The following CCDC83 variants were observed in gnomAD, a reference collection of about 807,000 sequenced individuals.
CCDC83 encodes coiled-coil domain containing 83, also known as coiled-coil domain-containing protein 83.
In CCDC83, 54 loss-of-function variants were observed where a neutral mutation model predicts 50.1. The ratio of observed to expected loss-of-function variants is 1.08; its 90% CI spans 0.87 to 1.35. CCDC83 has a LOEUF of 1.35. Among genes scored for constraint, CCDC83 ranks in the 40% most tolerant of loss-of-function variants. The probability of loss-of-function intolerance (pLI) is 0.00; values close to 1 mark genes in which losing one functional copy is unlikely to be tolerated. For missense variants in CCDC83, 518 were observed against 473.9 expected (o/e 1.09, Z -0.86); for synonymous variants, 161 against 153.3 (o/e 1.05, Z -0.37).
chr11:85,893,456 G>T (rs910252616), intron 5 of CCDC83, among the ~76,000 whole-genome samples: 2 of 152,162 alleles, frequency 1.3e-5, no homozygotes, highest in Admixed American at 6.6e-5. Flanking sequence ...ATCCCTGAGG[G>T]TTCTGCTTTG....
At position 85,894,960 on chromosome 11, in the gene CCDC83, G is replaced by A. The variant is rs76840696; in HGVS notation, c.512-333G>A. 3.4e-3 allele frequency among the ~76,000 whole-genome samples: 520 copies of A among 152,310 alleles called. 2 individuals are homozygous for A. Among genetic ancestry groups the A allele is most frequent in the African/African-American group, 0.012 (508 of 41,568 alleles). ...AGCATATGAAAATCTTGAGAGGACA[G>A]AGAATCCTGTGCTTCATTTCTGTCT... On this transcript the variant is annotated intron_variant, in intron 5 of 10. Coordinates refer to ENST00000342404, the MANE Select transcript of CCDC83 (RefSeq NM_001286159.2).
chr11:85,912,019 G>C (rs903364162), intron 8 of CCDC83, among the ~76,000 whole-genome samples: 2 of 151,892 alleles, frequency 1.3e-5, no homozygotes, highest in East Asian at 3.9e-4. Flanking sequence ...TAGGGCCCTT[G>C]AATATAAAAT....
chr11:85,889,568 C>T (rs1050858551), intron 5 of CCDC83, among the ~76,000 whole-genome samples: 1 of 152,194 alleles, frequency 6.6e-6, no homozygotes, highest in African/African-American at 2.4e-5. Context: ...GCCACTCCAC[C>T]AGGGGAACTA....
chr11:85,856,075 C>T (rs569980555), intron 1 of CCDC83, among the ~76,000 whole-genome samples: 3 of 151,084 alleles, frequency 2.0e-5, no homozygotes, highest in Non-Finnish European at 4.4e-5. Context: ...CACATTTGTA[C>T]AGTGCCATGT....
chr11:85,870,238 T>C (rs2093229451), intron 2 of CCDC83, among the ~76,000 whole-genome samples: 1 of 152,220 alleles, frequency 6.6e-6, no homozygotes, highest in Non-Finnish European at 1.5e-5. Flanking sequence ...TCCAGCCCAA[T>C]CGTTGCATGC....
At position 85,859,757 on chromosome 11, in the gene CCDC83, C is replaced by T. The variant is rs896784223; in HGVS notation, c.-29+4173C>T. Among the ~76,000 whole-genome samples, 3 of 152,274 alleles carry T rather than the reference C, an allele frequency of 2.0e-5. No homozygotes were observed. The East Asian group carries it at 5.8e-4, about 29-fold the overall frequency. On this transcript the variant is annotated intron_variant, in intron 1 of 10. Transcript: ENST00000342404. ...AGGAAATACCATTCTGGACATTGGC[C>T]TTGGCAAAGAATTTATGACTAAATT...
chr11:85,884,577 C>G (rs1265380031), intron 4 of CCDC83, among the ~76,000 whole-genome samples: 1 of 152,190 alleles, frequency 6.6e-6, no homozygotes, highest in Non-Finnish European at 1.5e-5. Context: ...AGTCTTTTCA[C>G]ATCACTTAAC....
chr11:85,881,185 A>G (rs1203115618), intron 3 of CCDC83, among the ~76,000 whole-genome samples: 5 of 152,196 alleles, frequency 3.3e-5, no homozygotes, highest in African/African-American at 1.2e-4. Flanking sequence ...CCTGGCCAAC[A>G]TGGTGAAATC....
At chr11:85,874,020 G>C (rs1243427728) in intron 3 of CCDC83, among the ~76,000 whole-genome samples, 2 of 152,162 alleles carry the variant, frequency 1.3e-5, no homozygotes. Flanking sequence ...CCTGGAGTCA[G>C]AGACCTGAGT....
intron 6 of CCDC83, among the ~76,000 whole-genome samples, chr11:85,896,987 C>T (rs2093378829): frequency 6.6e-6 from 1 of 152,106 alleles, no homozygotes; most frequent in Non-Finnish European, 1.5e-5. Flanking sequence ...ATTATTTTTA[C>T]TAATTTACAC....
At chr11:85,891,377 C>T (rs147146086) in intron 5 of CCDC83, among the ~76,000 whole-genome samples, 8 of 152,296 alleles carry the variant, frequency 5.3e-5, no homozygotes, top group African/African-American at 1.9e-4. Flanking sequence ...CTTCCCTGAA[C>T]TTTAGCTAGA....
At chr11:85,911,428 T>G in intron 8 of CCDC83, 26 bp downstream of exon 8, 1 of 1,514,096 alleles carries the variant, frequency 6.6e-7, no homozygotes, top group Non-Finnish European at 8.8e-7. Flanking sequence ...ATATAGAGAG[T>G]ATTTTGTAAA....
At chr11:85,906,197 C>G (rs1404837065) in intron 7 of CCDC83, among the ~76,000 whole-genome samples, 3 of 151,566 alleles carry the variant, frequency 2.0e-5, no homozygotes, top group Non-Finnish European at 4.4e-5. Flanking sequence ...TCCCAAGTAG[C>G]TGGGATTACA....
At chr11:85,890,394 GT>G (rs1360623561) in intron 5 of CCDC83, among the ~76,000 whole-genome samples, 1 of 152,188 alleles carries the variant, frequency 6.6e-6, no homozygotes, top group Non-Finnish European at 1.5e-5. Context: ...TGACTAGGGT[GT>G]TGGGGGCCGG....
intron 2 of CCDC83, among the ~76,000 whole-genome samples, chr11:85,865,787 C>T (rs2093203305): frequency 6.6e-6 from 1 of 151,802 alleles, no homozygotes; most frequent in Non-Finnish European, 1.5e-5. Flanking sequence ...TCTCGGGAGA[C>T]TGAGGCAGGA....
chr11:85,869,762 G>T (rs570459959), intron 2 of CCDC83, among the ~76,000 whole-genome samples: 19 of 152,322 alleles, frequency 1.2e-4, no homozygotes, highest in African/African-American at 4.1e-4. Flanking sequence ...AAGGAAAAAA[G>T]TGTATAAGGA....
At chr11:85,865,324 G>C in intron 2 of CCDC83, 106 bp downstream of exon 2, 1 of 729,906 alleles carries the variant, frequency 1.4e-6, no homozygotes, top group Admixed American at 2.4e-5. Context: ...GCTGCCAAAA[G>C]AATAGAGGTG....
intron 1 of CCDC83, among the ~76,000 whole-genome samples, chr11:85,860,968 C>G (rs2093172754): frequency 6.6e-6 from 1 of 151,032 alleles, no homozygotes; most frequent in Non-Finnish European, 1.5e-5. Flanking sequence ...AAAATAGACA[C>G]TGTCTATTAC....
intron 1 of CCDC83, among the ~76,000 whole-genome samples, chr11:85,857,248 C>T (rs2093147045): frequency 6.6e-6 from 1 of 152,198 alleles, no homozygotes; most frequent in Non-Finnish European, 1.5e-5. Flanking sequence ...CCAGTTGCCT[C>T]CATAGGACCC....
Sources: gnomAD v4.1 joint callset for allele counts (sites outside exome capture counted in the v4.1 genomes callset) on GRCh38, gnomAD v4.1.1 for gene constraint, MANE v1.5 for transcripts, NCBI Gene and HGNC (gene_info 2026-07-23, HGNC 2026-07-21) for gene names.